The following DNAH8 variants were observed in gnomAD, a reference collection of about 807,000 sequenced individuals.
DNAH8 encodes the protein dynein axonemal heavy chain 8.
DNAH8 carries 382 observed loss-of-function variants against 562.1 expected under a neutral mutation model. The observed-to-expected ratio is 0.68, with a 90% CI of 0.63 to 0.74. DNAH8 has a LOEUF of 0.74. Ranked by LOEUF, DNAH8 falls within the 30% of genes least tolerant of loss-of-function variation. The probability of loss-of-function intolerance (pLI) is 0.00; values close to 1 mark genes in which losing one functional copy is unlikely to be tolerated. For missense variants in DNAH8, 5,203 were observed against 5,620.4 expected (o/e 0.93, Z 2.37); for synonymous variants, 1,881 against 1,919.4 (o/e 0.98, Z 0.52).
intron 82 of DNAH8, among the ~76,000 whole-genome samples, chr6:38,951,801 A>G (rs1263158102): frequency 6.6e-6 from 1 of 152,098 alleles, no homozygotes; most frequent in Non-Finnish European, 1.5e-5. Context: ...TGGATAGCTG[A>G]CTAACAAGAA....
intron 91 of DNAH8, among the ~76,000 whole-genome samples, chr6:39,023,665 G>C (rs922956570): frequency 6.6e-6 from 1 of 152,120 alleles, no homozygotes; most frequent in Non-Finnish European, 1.5e-5. Flanking sequence ...AAGAAAGATG[G>C]CCATTCATTT....
Position 38,883,896 on chromosome 6 carries a change from G to T in DNAH8, c.8157G>T (p.Val2719=). 1 of 1,587,160 alleles carries T rather than the reference G, an allele frequency of 6.3e-7. No individual in the cohort carries two copies. The highest frequency in any genetic ancestry group is 8.6e-7 in the Non-Finnish European group (1 of 1,165,310). ...MMFQRTIESY[V]DKRIGSTYGP... ...TCTAGAGAACAATTGAAAGCTACGT[G>T]GATAAGCGAATTGGAAGCACATATG... The change falls in exon 56 of 93, where the codon GTG becomes GTT. Residue 2719 remains valine (V), a synonymous_variant. Transcript: ENST00000327475.
At chr6:39,023,895 T>A (rs1313082514) in intron 91 of DNAH8, among the ~76,000 whole-genome samples, 1 of 152,232 alleles carries the variant, frequency 6.6e-6, no homozygotes, top group Admixed American at 6.5e-5. Context: ...TACAAGGTAA[T>A]GTAAGTGTGT....
intron 17 of DNAH8, among the ~76,000 whole-genome samples, chr6:38,784,155 T>C (rs1768919993): frequency 6.6e-6 from 1 of 152,192 alleles, no homozygotes. Context: ...AAGCCACTTT[T>C]ATCAGGCCAG....
chr6:38,909,780 CCACA>C (rs1780746352), intron 65 of DNAH8, 36 bp downstream of exon 65: 1 of 1,515,946 alleles, frequency 6.6e-7, no homozygotes, highest in Non-Finnish European at 9.2e-7. Context: ...CGCTATGGAA[CCACA>C]GCATGTATTC....
Position 38,778,010 on chromosome 6 carries a change from A to C in DNAH8, c.1963-378A>C, listed in dbSNP as rs1046586695. On this transcript the variant is annotated intron_variant, in intron 13 of 92. Coordinates refer to ENST00000327475, the MANE Select transcript of DNAH8 (RefSeq NM_001206927.2). Reference sequence around the variant, plus strand: ...CTTTAATTTTTCTAGTAGCCATTGAATAAAAGTAAAAAGAAGCAGGTGAAA... The same window carrying C: ...CTTTAATTTTTCTAGTAGCCATTGACTAAAAGTAAAAAGAAGCAGGTGAAA... 5.3e-5 allele frequency among the ~76,000 whole-genome samples: 8 copies of C among 152,242 alleles called. No individual in the cohort carries two copies. In the East Asian group the frequency reaches 1.5e-3, roughly 29 times the overall value.
intron 1 of DNAH8, among the ~76,000 whole-genome samples, chr6:38,715,958 A>ATTTTTTT (rs1454056787): frequency 9.7e-5 from 3 of 31,048 alleles, no homozygotes; most frequent in African/African-American, 2.2e-4. Flanking sequence ...ATATATATAT[A>ATTTTTTT]TATTTTTTTT....
chr6:38,997,911 C>T (rs1416764021), intron 88 of DNAH8, among the ~76,000 whole-genome samples: 7 of 152,200 alleles, frequency 4.6e-5, no homozygotes, highest in Non-Finnish European at 8.8e-5. Context: ...GCATGTGCCA[C>T]CAGGCCCGGC....
At chr6:38,747,384 C>CTTTTTT (rs55729629) in intron 8 of DNAH8, among the ~76,000 whole-genome samples, 79 of 113,722 alleles carry the variant, frequency 6.9e-4, no homozygotes, top group East Asian at 3.1e-3. Context: ...TTTTCTTTTT[C>CTTTTTT]TTTTTTTTTT....
intron 30 of DNAH8, among the ~76,000 whole-genome samples, chr6:38,830,072 AT>A (rs543065177): frequency 1.1e-4 from 17 of 152,002 alleles, no homozygotes; most frequent in Admixed American, 4.6e-4. Context: ...AAGGTAGTCA[AT>A]TTTGTCAGTC....
chr6:38,862,202 C>A, intron 43 of DNAH8, 78 bp from the exon 44 acceptor site: 1 of 1,310,770 alleles, frequency 7.6e-7, no homozygotes, highest in Non-Finnish European at 1.1e-6. Flanking sequence ...CCATTCCAAT[C>A]ACATTGGATT....
intron 16 of DNAH8, among the ~76,000 whole-genome samples, chr6:38,781,878 G>T (rs1056648558): frequency 6.6e-6 from 1 of 151,930 alleles, no homozygotes; most frequent in Non-Finnish European, 1.5e-5. Flanking sequence ...ACAGTCTTGG[G>T]CCCTGTTGGC....
At chr6:39,028,327 G>T (rs1238819150) in intron 92 of DNAH8, among the ~76,000 whole-genome samples, 7 of 152,136 alleles carry the variant, frequency 4.6e-5, no homozygotes, top group Non-Finnish European at 1.0e-4. Flanking sequence ...TCATTGCTTA[G>T]GAGGCCAGAA....
At chr6:38,895,695 A>T (rs1042747694) in intron 59 of DNAH8, among the ~76,000 whole-genome samples, 1 of 152,138 alleles carries the variant, frequency 6.6e-6, no homozygotes, top group Non-Finnish European at 1.5e-5. Context: ...TCCCTCTGTT[A>T]TATTGTCAAT....
chr6:38,746,667 G>A (rs895988440), intron 8 of DNAH8, among the ~76,000 whole-genome samples: 1 of 151,932 alleles, frequency 6.6e-6, no homozygotes, highest in Admixed American at 6.6e-5. Context: ...GGTGGCTCAC[G>A]CCTGTAATCC....
chr6:38,974,727 CCTGA>C (rs1455898953), intron 85 of DNAH8, among the ~76,000 whole-genome samples, 198 bp downstream of exon 85: 1 of 152,156 alleles, frequency 6.6e-6, no homozygotes, highest in Non-Finnish European at 1.5e-5. Context: ...AACCCCCAAC[CCTGA>C]CTATTGGAAT....
At chr6:38,850,479 T>C (rs1775652411) in intron 38 of DNAH8, 65 bp downstream of exon 38, 5 of 1,399,460 alleles carry the variant, frequency 3.6e-6, no homozygotes, top group Non-Finnish European at 4.9e-6. Context: ...CCAAACTTAC[T>C]AGTATTGACT....
chr6:38,987,504 C>T (rs753759547), intron 87 of DNAH8, among the ~76,000 whole-genome samples: 4 of 152,204 alleles, frequency 2.6e-5, no homozygotes, highest in Admixed American at 6.5e-5. Context: ...ACAGCAGCTC[C>T]CTCCTCACCT....
intron 1 of DNAH8, among the ~76,000 whole-genome samples, chr6:38,715,780 G>T (rs1236779450): frequency 6.8e-6 from 1 of 146,668 alleles, no homozygotes; most frequent in Non-Finnish European, 1.5e-5. Context: ...TGGGAGGGGG[G>T]TGAGGGATGA....
Sources: gnomAD v4.1 joint callset for allele counts (sites outside exome capture counted in the v4.1 genomes callset) on GRCh38, gnomAD v4.1.1 for gene constraint, MANE v1.5 for transcripts, NCBI Gene and HGNC (gene_info 2026-07-23, HGNC 2026-07-21) for gene names.